Variants in LRRC43 observed in about 807,000 individuals in gnomAD.
The protein encoded by LRRC43 is leucine rich repeat containing 43, also known as leucine-rich repeat-containing protein 43.
A neutral mutation model predicts 64.3 loss-of-function variants in LRRC43; 62 were observed. The observed-to-expected ratio is 0.96, with a 90% CI of 0.79 to 1.19. The LOEUF is 1.19. Ranked by LOEUF, LRRC43 falls within the 50% of genes most tolerant of loss-of-function variation. The probability of loss-of-function intolerance (pLI) is 0.00; values close to 1 mark genes in which losing one functional copy is unlikely to be tolerated. For synonymous variants in LRRC43, 422 were observed against 382.3 expected (o/e 1.10, Z -1.21); for missense variants, 868 against 845.0 (o/e 1.03, Z -0.34).
At chr12:122,192,107 C>G (rs1399416962) in intron 6 of LRRC43, among the ~76,000 whole-genome samples, 1 of 151,884 alleles carries the variant, frequency 6.6e-6, no homozygotes. Flanking sequence ...TAAGTCAGCC[C>G]CTTGTTCCCA....
intron 1 of LRRC43, chr12:122,172,479 TG>T (rs1336042258): frequency 6.8e-6 from 11 of 1,614,054 alleles, no homozygotes; most frequent in Non-Finnish European, 9.3e-6. Flanking sequence ...CTCTGAAAAC[TG>T]TTGAGAAATA....
At chr12:122,183,893 A>C (rs1044138502) in intron 1 of LRRC43, among the ~76,000 whole-genome samples, 1 of 151,904 alleles carries the variant, frequency 6.6e-6, no homozygotes, top group African/African-American at 2.4e-5. Flanking sequence ...GGCACCTGCC[A>C]CCATGCCCGG....
At chr12:122,170,458 C>T (rs961687732) in intron 1 of LRRC43, among the ~76,000 whole-genome samples, 3 of 151,948 alleles carry the variant, frequency 2.0e-5, no homozygotes, top group Non-Finnish European at 4.4e-5. Flanking sequence ...GGTGAAACCC[C>T]GTCTCTACTA....
At chr12:122,190,431 C>T (rs1953705089) in intron 5 of LRRC43, 63 bp downstream of exon 5, 4 of 1,348,686 alleles carry the variant, frequency 3.0e-6, no homozygotes, top group Non-Finnish European at 4.2e-6. Flanking sequence ...CCTGGCTGTG[C>T]CCCGCCCTCC....
chr12:122,194,566 CAAAAA>C (rs558202112), intron 7 of LRRC43, among the ~76,000 whole-genome samples: 2 of 93,730 alleles, frequency 2.1e-5, no homozygotes, highest in Non-Finnish European at 4.6e-5. Flanking sequence ...AGCTCCGTCT[CAAAAA>C]AAAAAAAAAG....
intron 4 of LRRC43, among the ~76,000 whole-genome samples, chr12:122,188,501 C>T (rs7298201): frequency 0.53 from 79,961 of 151,190 alleles, 21,442 homozygotes; most frequent in East Asian, 0.72. Context: ...GAGTGCTGTG[C>T]GTGATCTCGG....
chr12:122,173,708 G>T, intron 1 of LRRC43: 5 of 675,684 alleles, frequency 7.4e-6, no homozygotes, highest in East Asian at 2.8e-5. Context: ...AGCCATCTTT[G>T]CCTGTCTAGT....
chr12:122,175,753 G>A (rs1225976713), intron 1 of LRRC43, among the ~76,000 whole-genome samples: 1 of 151,348 alleles, frequency 6.6e-6, no homozygotes, highest in African/African-American at 2.4e-5. Flanking sequence ...TGCAACCTCC[G>A]CCTCCTGGGT....
intron 6 of LRRC43, 133 bp from the exon 7 acceptor site, chr12:122,192,612 C>T (rs1593150888): frequency 1.0e-6 from 1 of 1,001,740 alleles, no homozygotes; most frequent in Non-Finnish European, 1.5e-6. Context: ...GCCTTCCTGC[C>T]TCCTAGCGTG....
At chr12:122,198,306 A>T (rs1953792155) in intron 7 of LRRC43, among the ~76,000 whole-genome samples, 1 of 152,010 alleles carries the variant, frequency 6.6e-6, no homozygotes, top group Admixed American at 6.6e-5. Flanking sequence ...TTAATATATC[A>T]TAACGTTCAT....
chr12:122,196,899 ATAGACT>A (rs1477946696), intron 7 of LRRC43, among the ~76,000 whole-genome samples: 2 of 152,240 alleles, frequency 1.3e-5, no homozygotes, highest in Non-Finnish European at 2.9e-5. Flanking sequence ...GGATGGGCAC[ATAGACT>A]TAGAAAGTGT....
intron 11 of LRRC43, 56 bp downstream of exon 11, chr12:122,201,385 G>A: frequency 6.4e-7 from 1 of 1,565,282 alleles, no homozygotes; most frequent in Non-Finnish European, 8.8e-7. Context: ...CCTGCTGAGG[G>A]CCAGCCCTGG....
At chr12:122,173,991 G>T in intron 1 of LRRC43, 1 of 1,614,074 alleles carries the variant, frequency 6.2e-7, no homozygotes, top group South Asian at 1.1e-5. Context: ...ACGTCGAGGG[G>T]CCTGGAGAGA....
rs756689259 is a variant in LRRC43, at chr12:122,191,502, G to A, written c.1024G>A (p.Val342Met). ...EGPFITYNYY[V>M]TYDFVKDEEG... ...CCCTTTCATCACTTACAACTATTAC[G>A]TGACCTATGATTTTGTGAAAGATGA... Residue 342 changes from valine (V) to methionine (M), a missense_variant, in exon 6 of 12, where the codon GTG becomes ATG. Transcript: ENST00000339777. 4.3e-6 allele frequency: 7 copies of A among 1,614,082 alleles called. No homozygotes were observed. Among genetic ancestry groups the A allele is most frequent in the South Asian group, 3.3e-5 (3 of 91,084 alleles).
rs201842898 is a variant in LRRC43 at position 122,186,240 on chromosome 12, G to T, written c.462G>T (p.Leu154Phe). Reference protein sequence around the residue: ...DLLKFLKLEELVLSANRIKEV... With the variant: ...DLLKFLKLEEFVLSANRIKEV... ...TGAAATTTCTAAAGCTGGAGGAGTT[G>T]GTACTGAGCGCCAATCGAATCAAGG... The change falls in exon 3 of 12, where the codon TTG becomes TTT. Residue 154 changes from leucine (L) to phenylalanine (F), a missense_variant. Transcript: ENST00000339777. The T allele has an allele frequency of 1.5e-4, 242 of 1,606,584 alleles. No individual in the cohort carries two copies. The African/African-American group carries it at 2.9e-3, about 19-fold the overall frequency.
rs988881953 is a variant in LRRC43, at chr12:122,183,395, C to T, written c.150+101C>T. 3.9e-6 allele frequency: 5 copies of T among 1,275,596 alleles called. No individual in the cohort carries two copies. In the African/African-American group the frequency reaches 7.9e-5, roughly 20 times the overall value. The allele number at this position is 1,275,596 out of a possible 1,614,324, so 79.0% of individuals were successfully genotyped here. The stretch of plus-strand genomic sequence containing the variant: ...GCTGGTCCCTGGGGCCTGGGATCTG[C>T]GCATTCTGGGGGCCGCCGACATGGG... On this transcript the variant is annotated intron_variant, in intron 1 of 11. Transcript: ENST00000339777.
intron 1 of LRRC43, among the ~76,000 whole-genome samples, chr12:122,183,673 T>C (rs896233112): frequency 2.2e-4 from 34 of 152,304 alleles, no homozygotes; most frequent in African/African-American, 7.9e-4. Flanking sequence ...GAGAGGTGGC[T>C]CAGCCTGAAG....
chr12:122,190,481 AC>A (rs11322813), intron 5 of LRRC43, 113 bp downstream of exon 5: 204,123 of 765,322 alleles, frequency 0.27, 32,990 homozygotes, highest in East Asian at 0.7. Flanking sequence ...TCCCCATTTG[AC>A]CCAGACCCTA....
At position 122,200,991 on chromosome 12, in the gene LRRC43, C is replaced by G. The variant is rs1228772493; in HGVS notation, c.1809+57C>G. ...TCTGCCTTCGCCCTCCCCATGGGAA[C>G]CCCGCGGGCAAGCAAGGGCTGTGGG... is the stretch of plus-strand genomic sequence containing the variant. On this transcript the variant is annotated intron_variant, in intron 10 of 11. Coordinates refer to ENST00000339777, the MANE Select transcript of LRRC43 (RefSeq NM_001098519.2). This position sits in a 1 kb window ranked among gnomAD's most constrained non-coding sequence, Gnocchi z 4.6. The G allele has an allele frequency of 1.6e-5, 25 of 1,526,820 alleles. No homozygotes were observed. Among genetic ancestry groups the G allele is most frequent in the Non-Finnish European group, 2.1e-5 (24 of 1,137,826 alleles). 94.6% of individuals were successfully genotyped at this position (1,526,820 alleles called of 1,614,324 possible).
Sources: gnomAD v4.1 joint callset for allele counts (sites outside exome capture counted in the v4.1 genomes callset) on GRCh38, gnomAD v4.1.1 for gene constraint, Gnocchi (gnomAD v3.1) non-coding constraint, MANE v1.5 for transcripts, NCBI Gene and HGNC (gene_info 2026-07-23, HGNC 2026-07-21) for gene names.